Variants in ADD2 observed in about 807,000 individuals in gnomAD.
ADD2 encodes the protein adducin 2, also known as beta-adducin.
Under a neutral mutation model 83.0 loss-of-function variants are expected in ADD2, and 23 were observed. The ratio of observed to expected loss-of-function variants is 0.28; its 90% confidence interval spans 0.20 to 0.39. ADD2 has a LOEUF of 0.39. Among genes scored for constraint, ADD2 ranks in the 10% least tolerant of loss-of-function variants. ADD2 has a pLI of 1.00. For synonymous variants in ADD2, 375 were observed against 375.4 expected (o/e 1.00, Z 0.01); for missense variants, 758 against 944.9 (o/e 0.80, Z 2.59).
chr2:70,682,955 A>G (rs1558529105), intron 10 of ADD2, among the ~76,000 whole-genome samples: 1 of 151,936 alleles, frequency 6.6e-6, no homozygotes, highest in Non-Finnish European at 1.5e-5. Context: ...AACTAACTAT[A>G]TAAGAGGTAT....
chr2:70,737,987 G>C (rs1673674493), intron 1 of ADD2, among the ~76,000 whole-genome samples: 1 of 152,188 alleles, frequency 6.6e-6, no homozygotes, highest in Non-Finnish European at 1.5e-5. Context: ...TCAGCAACTT[G>C]CTCAGGAGCA....
chr2:70,753,454 AAAGAG>A (rs1352112172), intron 1 of ADD2, among the ~76,000 whole-genome samples: 1 of 152,116 alleles, frequency 6.6e-6, no homozygotes, highest in Admixed American at 6.5e-5. Flanking sequence ...ATGATGCAGA[AAAGAG>A]AAAAGCCAAT....
intron 9 of ADD2, 76 bp from the exon 10 acceptor site, chr2:70,683,843 T>C (rs552286094): frequency 2.0e-6 from 3 of 1,490,752 alleles, no homozygotes; most frequent in South Asian, 2.8e-5. Context: ...CTGTATGTGA[T>C]GAGAGAATGG....
chr2:70,762,624 TATATAA>T (rs1170900589), intron 1 of ADD2, among the ~76,000 whole-genome samples: 2 of 148,942 alleles, frequency 1.3e-5, no homozygotes, highest in African/African-American at 4.9e-5. Flanking sequence ...ATCAAATAAA[TATATAA>T]ATATAACTAT....
intron 13 of ADD2, chr2:70,675,527 T>A: frequency 1.0e-6 from 1 of 985,482 alleles, no homozygotes; most frequent in Non-Finnish European, 1.2e-6. Flanking sequence ...CAGGAATTCT[T>A]TGACCCCTCT....
intron 1 of ADD2, among the ~76,000 whole-genome samples, chr2:70,761,641 T>A (rs1574335183): frequency 6.9e-6 from 1 of 144,460 alleles, no homozygotes; most frequent in Admixed American, 6.9e-5. Flanking sequence ...GTATACTAAA[T>A]CTCTCATTAT....
intron 1 of ADD2, among the ~76,000 whole-genome samples, chr2:70,732,390 T>C (rs782412301): frequency 1.1e-4 from 17 of 152,220 alleles, no homozygotes; most frequent in Non-Finnish European, 2.1e-4. Flanking sequence ...AACATTTGAA[T>C]GCAATGATAT....
At chr2:70,694,977 C>T (rs1443309912) in intron 6 of ADD2, among the ~76,000 whole-genome samples, 2 of 152,210 alleles carry the variant, frequency 1.3e-5, no homozygotes, top group Admixed American at 6.5e-5. Context: ...GCTGCTTACC[C>T]TCCCTGGGCA....
chr2:70,690,670 T>C (rs1670978898), intron 8 of ADD2, 116 bp downstream of exon 8: 1 of 1,236,072 alleles, frequency 8.1e-7, no homozygotes, highest in African/African-American at 1.5e-5. Context: ...TAGAGATCTT[T>C]CTTTTTTTTC....
At chr2:70,725,856 G>T (rs1463538331) in intron 1 of ADD2, among the ~76,000 whole-genome samples, 1 of 152,110 alleles carries the variant, frequency 6.6e-6, no homozygotes, top group Non-Finnish European at 1.5e-5. Context: ...AGGGCTGAGA[G>T]TATGCATGTC....
intron 14 of ADD2, 156 bp from the exon 15 acceptor site, chr2:70,673,162 T>G (rs556904663): frequency 1.6e-5 from 25 of 1,571,734 alleles, no homozygotes; most frequent in Non-Finnish European, 2.0e-5. Flanking sequence ...CCCCCTGACC[T>G]TCTTAGATTT....
At chr2:70,707,589 C>A (rs1325794239) in intron 2 of ADD2, among the ~76,000 whole-genome samples, 2 of 152,258 alleles carry the variant, frequency 1.3e-5, no homozygotes, top group Non-Finnish European at 1.5e-5. Flanking sequence ...CCTGTGTCGG[C>A]ACTGCAAGGC....
At chr2:70,726,210 A>G (rs918571016) in intron 1 of ADD2, among the ~76,000 whole-genome samples, 5 of 149,694 alleles carry the variant, frequency 3.3e-5, no homozygotes, top group Admixed American at 3.3e-4. Flanking sequence ...AAAAAAAAAA[A>G]AAGAATGTAT....
intron 1 of ADD2, among the ~76,000 whole-genome samples, chr2:70,755,919 C>T (rs77705802): frequency 6.6e-6 from 1 of 151,900 alleles, no homozygotes; most frequent in Non-Finnish European, 1.5e-5. Context: ...ATCAGCTAGG[C>T]ATGGTGGCAC....
At chr2:70,716,733 C>T (rs181021787) in intron 1 of ADD2, among the ~76,000 whole-genome samples, 102 of 152,246 alleles carry the variant, frequency 6.7e-4, no homozygotes, top group Admixed American at 6.5e-3. Flanking sequence ...GGGGAGCTCA[C>T]GGTACAGTGT....
rs56006250 is a variant in ADD2, at chr2:70,659,145, TAAAAAAAAAAAAAAAAAA to T, written c.*4262_*4279del. ...GGGCAACAAAGAGCAAAGCTCCGTC[TAAAAAAAAAAAAAAAAAA>T]AAAAAAAAAGAAAGAAAAAGAAAAA... On this transcript the variant is annotated 3_prime_UTR_variant, in exon 16 of 16. Transcript: ENST00000264436. 4.0e-5 allele frequency: 3 copies of T among 74,670 alleles called. No homozygotes were observed. The highest frequency in any genetic ancestry group is 5.0e-5 in the Non-Finnish European group (2 of 39,952). The allele number at this position is 74,670 out of a possible 1,614,324, so 4.6% of individuals were successfully genotyped here.
chr2:70,698,583 A>G (rs550525726), intron 4 of ADD2, among the ~76,000 whole-genome samples: 1 of 152,356 alleles, frequency 6.6e-6, no homozygotes, highest in South Asian at 2.1e-4. Context: ...AATGCTCCCA[A>G]TAAATAAATG....
intron 12 of ADD2, 65 bp downstream of exon 12, chr2:70,677,693 G>A: frequency 6.3e-7 from 1 of 1,585,268 alleles, no homozygotes; most frequent in Non-Finnish European, 8.6e-7. Context: ...CTCAGCTCCT[G>A]TTTGTGGGAC....
intron 1 of ADD2, among the ~76,000 whole-genome samples, chr2:70,753,334 AG>A (rs1198189553): frequency 4.2e-4 from 64 of 152,310 alleles, no homozygotes; most frequent in Admixed American, 1.2e-3. Context: ...GCCATAAAAG[AG>A]GACAAGTATA....
Sources: allele counts gnomAD v4.1 joint callset (sites outside exome capture counted in the v4.1 genomes callset), GRCh38; gene constraint gnomAD v4.1.1; transcripts MANE v1.5; gene names NCBI Gene and HGNC (gene_info 2026-07-23, HGNC 2026-07-21).